Variants in EP400 observed in about 807,000 individuals in gnomAD.
EP400 encodes E1A binding protein p400, also known as E1A-binding protein p400.
A neutral mutation model predicts 354.1 loss-of-function variants in EP400; 105 were observed. That is an observed-to-expected ratio of 0.30 (90% CI 0.25 to 0.35). The LOEUF is 0.35. Ranked by LOEUF, EP400 falls within the 10% of genes least tolerant of loss-of-function variation. EP400 has a pLI of 1.00. For synonymous variants in EP400, 1,646 were observed against 1,716.9 expected (o/e 0.96, Z 1.02); for missense variants, 3,280 against 4,121.0 (o/e 0.80, Z 5.59).
At position 131,986,760 on chromosome 12, in the gene EP400, T is replaced by C; in HGVS notation, c.2176T>C (p.Ser726Pro). ...KPQSPAQNATSSQDSSQDTLT... is the reference protein window; with the variant it reads ...KPQSPAQNATPSQDSSQDTLT... ...ACAGAGTCCTGCTCAGAATGCCACC[T>C]CGTCCCAAGACAGTTCTCAGGATAC... The change falls in exon 6 of 53, where the codon TCG becomes CCG. Residue 726 changes from serine to proline, a missense_variant. Around this residue, in one of 20 missense-constraint regions of EP400, gnomAD observed 800 missense variants for 840.0 expected, o/e 0.95. Coordinates refer to ENST00000389561, the MANE Select transcript of EP400 (RefSeq NM_015409.5). 1 of 1,614,170 alleles carries C rather than the reference T, an allele frequency of 6.2e-7. No homozygotes were observed. Among genetic ancestry groups the C allele is most frequent in the Non-Finnish European group, 8.5e-7 (1 of 1,180,030 alleles).
rs553207798 is a variant in EP400, at chr12:132,013,072, C to G, written c.3505C>G (p.Leu1169Val). Residue 1169 changes from leucine to valine, a missense_variant, in exon 17 of 53, where the codon CTC becomes GTC. Transcript: ENST00000389561. The surrounding 1 kb of genome is among the most constrained non-coding windows in gnomAD (Gnocchi z 4.5). ...ITSYTQFFRG[L>V]TAFTRVRWKC... ...GTCCTACACTCAGTTCTTCCGGGGC[C>G]TCACCGCCTTCACACGAGTGCGCTG... is the stretch of plus-strand genomic sequence containing the variant. 6.2e-7 allele frequency: 1 copy of G among 1,614,094 alleles called. No homozygotes were observed. The highest frequency in any genetic ancestry group is 8.5e-7 in the Non-Finnish European group (1 of 1,180,036).
chr12:131,960,707 G>GGGGGCC lies in EP400; in HGVS notation c.88_89insGGGGCC (p.Ala30delinsGlyGlyPro). On this transcript the variant is annotated protein_altering_variant, in exon 2 of 53. Coordinates refer to ENST00000389561, the MANE Select transcript of EP400 (RefSeq NM_015409.5). ...TGGCAGCGAGGGTGAGGAGCAGCCG[G>GGGGGCC]CCCACCCCAACCCACCCCCGTCCCC... 7 of 1,545,486 alleles carry GGGGGCC rather than the reference G, an allele frequency of 4.5e-6. No individual in the cohort carries two copies. Among genetic ancestry groups the GGGGGCC allele is most frequent in the Non-Finnish European group, 5.2e-6 (6 of 1,146,156 alleles).
intron 2 of EP400, among the ~76,000 whole-genome samples, chr12:131,968,076 CTT>C (rs1157170090): frequency 6.6e-6 from 1 of 151,930 alleles, no homozygotes; most frequent in Non-Finnish European, 1.5e-5. Context: ...TTAAGACTAT[CTT>C]TTTCAGAACA....
intron 22 of EP400, 69 bp downstream of exon 22, chr12:132,020,287 C>G: frequency 6.8e-7 from 1 of 1,477,590 alleles, no homozygotes; most frequent in Non-Finnish European, 9.0e-7. Context: ...ATGGCACTTT[C>G]TTCTCGCGCC....
intron 19 of EP400, among the ~76,000 whole-genome samples, chr12:132,015,705 T>C (rs1893905986): frequency 6.6e-6 from 1 of 152,200 alleles, no homozygotes; most frequent in Admixed American, 6.5e-5. Flanking sequence ...AGGAGAGCGC[T>C]TGGACTCCTC....
Position 132,032,006 on chromosome 12 carries a change from C to T in EP400, c.5808C>T (p.Ser1936=). 1 of 1,613,858 alleles carries T rather than the reference C, an allele frequency of 6.2e-7. No homozygotes were observed. Among genetic ancestry groups the T allele is most frequent in the Non-Finnish European group, 8.5e-7 (1 of 1,179,872 alleles). Residue 1936 remains serine, a synonymous_variant, in exon 30 of 53, where the codon TCC becomes TCT. Coordinates refer to ENST00000389561, the MANE Select transcript of EP400 (RefSeq NM_015409.5). ...RDRRIFCAIL[S]THSRTTGINL... ...GGCGGATTTTTTGTGCCATTCTCTCCACTCACAGCCGTACCACAGGTATAA... is the reference window on the plus strand; with the variant it reads ...GGCGGATTTTTTGTGCCATTCTCTCTACTCACAGCCGTACCACAGGTATAA...
Position 132,013,234 on chromosome 12 carries a change from C to G in EP400, c.3611+56C>G. On this transcript the variant is annotated intron_variant, in intron 17 of 52. Transcript: ENST00000389561. This position sits in a 1 kb window ranked among gnomAD's most constrained non-coding sequence, Gnocchi z 4.5. ...TTCTTTGCTGTTGATGTAGAAGATT[C>G]TCTTGAAGAAATCTGCATAATTGCA... 1.3e-6 allele frequency: 2 copies of G among 1,546,376 alleles called. No homozygotes were observed. Among genetic ancestry groups the G allele is most frequent in the Non-Finnish European group, 1.8e-6 (2 of 1,142,804 alleles).
rs1479365826 is a variant in EP400, at chr12:132,029,745, T to A, written c.5426T>A (p.Leu1809Gln). ...CCGGTGGTGGCAGCACCCCCGTCCC[T>A]ACGGGTGCCGCGGCCGCCACCCCTG... The part of the protein sequence containing the change: ...IPPVVAAPPS[L>Q]RVPRPPPLYS... Residue 1809 changes from leucine (L) to glutamine (Q), a missense_variant, in exon 28 of 53, where the codon CTA becomes CAA. By Grantham distance (113) the Leu-to-Gln change is moderately radical. Around this residue, in one of 20 missense-constraint regions of EP400, gnomAD observed 459 missense variants for 496.9 expected, o/e 0.92. Coordinates refer to ENST00000389561, the MANE Select transcript of EP400 (RefSeq NM_015409.5). This position sits in a 1 kb window ranked among gnomAD's most constrained non-coding sequence, Gnocchi z 4.7. The A allele has an allele frequency of 6.2e-7, 1 of 1,613,238 alleles. No individual in the cohort carries two copies. The highest frequency in any genetic ancestry group is 8.5e-7 in the Non-Finnish European group (1 of 1,180,034).
intron 51 of EP400, among the ~76,000 whole-genome samples, chr12:132,074,843 C>G (rs1896184470): frequency 6.6e-6 from 1 of 152,174 alleles, no homozygotes; most frequent in Admixed American, 6.5e-5. Context: ...TTTATAGTCT[C>G]TTGTTTCCAG....
chr12:131,985,231 ACTTTCT>A (rs1892815062), intron 5 of EP400, among the ~76,000 whole-genome samples: 3 of 152,242 alleles, frequency 2.0e-5, no homozygotes, highest in Admixed American at 2.0e-4. Flanking sequence ...GGGTTGGCAC[ACTTTCT>A]CAGTCAAGGG....
At position 132,029,109 on chromosome 12, in the gene EP400, G is replaced by A. The variant is rs1894399246; in HGVS notation, c.5382-592G>A. ...CTTTCGAGTACTGATTTGTCTTTGT[G>A]TACTCCTCCCTCATTGAACATCATG... On this transcript the variant is annotated intron_variant, in intron 27 of 52. Coordinates refer to ENST00000389561, the MANE Select transcript of EP400 (RefSeq NM_015409.5). This position sits in a 1 kb window ranked among gnomAD's most constrained non-coding sequence, Gnocchi z 4.7. 2 of 153,386 alleles carry A rather than the reference G, an allele frequency of 1.3e-5. No homozygotes were observed. The highest frequency in any genetic ancestry group is 2.9e-5 in the Non-Finnish European group (2 of 68,976). The allele number at this position is 153,386 out of a possible 1,614,324, so 9.5% of individuals were successfully genotyped here. A position where few individuals can be genotyped will look rare whatever the true frequency, so the allele number is the denominator to read the frequency against.
chr12:132,013,065 C>G lies in EP400; in HGVS notation c.3498C>G (p.Phe1166Leu). Residue 1166 changes from phenylalanine to leucine, a missense_variant, in exon 17 of 53, where the codon TTC becomes TTG. By Grantham distance (22) the Phe-to-Leu change is conservative (BLOSUM62 0). Coordinates refer to ENST00000389561, the MANE Select transcript of EP400 (RefSeq NM_015409.5). The surrounding 1 kb of genome is among the most constrained non-coding windows in gnomAD (Gnocchi z 4.5). ...HVCITSYTQFFRGLTAFTRVR... is the reference protein window; with the variant it reads ...HVCITSYTQFLRGLTAFTRVR... Reference sequence around the variant, plus strand: ...GCATCACGTCCTACACTCAGTTCTTCCGGGGCCTCACCGCCTTCACACGAG... The same window carrying G: ...GCATCACGTCCTACACTCAGTTCTTGCGGGGCCTCACCGCCTTCACACGAG... 2.5e-6 allele frequency: 4 copies of G among 1,614,050 alleles called. No homozygotes were observed. Among genetic ancestry groups the G allele is most frequent in the Non-Finnish European group, 3.4e-6 (4 of 1,180,030 alleles).
At chr12:131,981,246 G>A (rs1429038535) in intron 3 of EP400, among the ~76,000 whole-genome samples, 1 of 152,156 alleles carries the variant, frequency 6.6e-6, no homozygotes, top group Non-Finnish European at 1.5e-5. Context: ...CGTCACACAC[G>A]TTGCAGTGTT....
intron 2 of EP400, among the ~76,000 whole-genome samples, chr12:131,976,648 T>G (rs1033248432): frequency 3.3e-5 from 5 of 152,040 alleles, no homozygotes; most frequent in South Asian, 2.1e-4. Flanking sequence ...AGGTGGAGGT[T>G]GCAGTGAGGC....
intron 12 of EP400, among the ~76,000 whole-genome samples, chr12:132,003,288 TAAC>T (rs1442960968): frequency 6.6e-6 from 1 of 151,966 alleles, no homozygotes; most frequent in Non-Finnish European, 1.5e-5. Context: ...AAAAAATGTG[TAAC>T]AACTATTTAC....
intron 4 of EP400, 96 bp from the exon 5 acceptor site, chr12:131,981,997 C>G: frequency 6.9e-7 from 1 of 1,444,938 alleles, no homozygotes; most frequent in Non-Finnish European, 9.2e-7. Flanking sequence ...GGGTCTTGGA[C>G]AAGCACTGGG....
intron 12 of EP400, among the ~76,000 whole-genome samples, chr12:131,999,062 T>G (rs1893318991): frequency 6.6e-6 from 1 of 151,824 alleles, no homozygotes; most frequent in Admixed American, 6.6e-5. Context: ...TGGACAACAT[T>G]GGCTTGTTCT....
intron 19 of EP400, among the ~76,000 whole-genome samples, chr12:132,015,543 TTG>T (rs1257137493): frequency 6.6e-6 from 1 of 152,204 alleles, no homozygotes; most frequent in Non-Finnish European, 1.5e-5. Context: ...CCTTCTGTGG[TTG>T]TGCCCACACA....
rs376987445 is a variant in EP400 at position 132,063,608 on chromosome 12, T to A, written c.8334+907T>A. On this transcript the variant is annotated intron_variant, in intron 47 of 52. Coordinates refer to ENST00000389561, the MANE Select transcript of EP400 (RefSeq NM_015409.5). ...TACGGAATAAAGACAAGACAATATT[T>A]TGAAGTTTCAGCTCACTGTTGGGCC... is the stretch of plus-strand genomic sequence containing the variant. Among the ~76,000 whole-genome samples, 33 of 152,302 alleles carry A rather than the reference T, an allele frequency of 2.2e-4. No individual in the cohort carries two copies. In the South Asian group the frequency reaches 6.8e-3, roughly 32 times the overall value.
Sources: allele counts gnomAD v4.1 joint callset (sites outside exome capture counted in the v4.1 genomes callset), GRCh38; gene constraint gnomAD v4.1.1; regional missense constraint gnomAD v4.1.1; non-coding constraint Gnocchi (gnomAD v3.1); transcripts MANE v1.5; gene names NCBI Gene and HGNC (gene_info 2026-07-23, HGNC 2026-07-21).